The following GPM6A variants were observed in gnomAD, a reference collection of about 807,000 sequenced individuals.
GPM6A encodes the protein neuronal membrane glycoprotein M6-a.
In GPM6A, 7 loss-of-function variants were observed where a neutral mutation model predicts 32.1. That is an observed-to-expected ratio of 0.22 (90% confidence interval 0.12 to 0.41). GPM6A has a LOEUF of 0.41. GPM6A is among the 10% of genes least tolerant of loss of function. The probability of loss-of-function intolerance (pLI) is 1.00; values close to 1 mark genes in which losing one functional copy is unlikely to be tolerated. For synonymous variants in GPM6A, 130 were observed against 123.4 expected, an observed-to-expected ratio of 1.05 and a Z score of -0.35; for missense variants, 235 against 347.2, an observed-to-expected ratio of 0.68 and a Z score of 2.57.
intron 1 of GPM6A, among the ~76,000 whole-genome samples, chr4:175,750,079 G>A (rs1481928603): frequency 6.6e-6 from 1 of 151,082 alleles, no homozygotes; most frequent in Non-Finnish European, 1.5e-5. Flanking sequence ...TTTTTTTTGA[G>A]ATGGAGTCTC....
At chr4:175,728,361 C>T (rs181989322) in intron 1 of GPM6A, among the ~76,000 whole-genome samples, 5 of 152,246 alleles carry the variant, frequency 3.3e-5, no homozygotes, top group South Asian at 2.1e-4. Context: ...AAGACTTCAT[C>T]GAACATATCT....
At chr4:175,803,021 C>T (rs1439393034) in intron 1 of GPM6A, among the ~76,000 whole-genome samples, 1 of 152,088 alleles carries the variant, frequency 6.6e-6, no homozygotes, top group African/African-American at 2.4e-5. Context: ...GGTTTAGCTG[C>T]TCTGTTAGAT....
intron 1 of GPM6A, chr4:175,798,800 A>G (rs1054227416): frequency 2.0e-5 from 3 of 152,140 alleles, no homozygotes; most frequent in South Asian, 2.1e-4. Flanking sequence ...AAAGATATTT[A>G]TTTCTTAGTG....
intron 1 of GPM6A, among the ~76,000 whole-genome samples, chr4:175,949,638 A>C (rs926289600): frequency 5.3e-5 from 8 of 152,200 alleles, no homozygotes; most frequent in Non-Finnish European, 8.8e-5. Context: ...CTTCTTATCA[A>C]GAGCTAACTT....
chr4:175,894,789 A>T (rs542574798), intron 1 of GPM6A, among the ~76,000 whole-genome samples: 1 of 150,652 alleles, frequency 6.6e-6, no homozygotes, highest in Non-Finnish European at 1.5e-5. Flanking sequence ...AGGAAAACTC[A>T]TACACAAAAT....
chr4:175,874,350 C>A (rs1037172142), intron 1 of GPM6A, among the ~76,000 whole-genome samples: 2 of 152,044 alleles, frequency 1.3e-5, no homozygotes, highest in Non-Finnish European at 2.9e-5. Flanking sequence ...GCTGCAAAAG[C>A]TGAAAAGGGA....
intron 6 of GPM6A, among the ~76,000 whole-genome samples, chr4:175,637,253 ATATAAAATATATAT>A (rs1740717496): frequency 4.6e-5 from 1 of 21,760 alleles, no homozygotes; most frequent in Non-Finnish European, 7.7e-5. Flanking sequence ...ATTATATATA[ATATAAAATATATAT>A]TATATATTAT....
chr4:175,874,501 G>C (rs921346134), intron 1 of GPM6A, among the ~76,000 whole-genome samples: 1 of 152,114 alleles, frequency 6.6e-6, no homozygotes, highest in African/African-American at 2.4e-5. Flanking sequence ...TGGAGGGGAG[G>C]GAGGAGTAAA....
At chr4:175,797,209 AC>A (rs202112064) in intron 1 of GPM6A, among the ~76,000 whole-genome samples, 2,698 of 152,288 alleles carry the variant, frequency 0.018, 53 homozygotes, top group Non-Finnish European at 0.029. Flanking sequence ...TGATAGTTAT[AC>A]TTTTTACTTT....
chr4:175,785,010 C>T (rs773607842), intron 1 of GPM6A, among the ~76,000 whole-genome samples: 2 of 152,274 alleles, frequency 1.3e-5, no homozygotes, highest in Non-Finnish European at 2.9e-5. Flanking sequence ...TACATGGAAA[C>T]ATAGAATCTA....
intron 1 of GPM6A, among the ~76,000 whole-genome samples, chr4:175,890,464 A>T (rs1318480593): frequency 6.6e-6 from 1 of 152,092 alleles, no homozygotes; most frequent in Non-Finnish European, 1.5e-5. Flanking sequence ...GTCAAAAAGA[A>T]GCAAACTGAA....
intron 1 of GPM6A, among the ~76,000 whole-genome samples, chr4:175,709,877 G>C (rs1223984324): frequency 6.6e-6 from 1 of 151,774 alleles, no homozygotes; most frequent in African/African-American, 2.4e-5. Flanking sequence ...AAACCATCTT[G>C]AACACTGCTA....
At chr4:175,672,186 C>T (rs1743117388) in intron 3 of GPM6A, among the ~76,000 whole-genome samples, 1 of 152,198 alleles carries the variant, frequency 6.6e-6, no homozygotes, top group South Asian at 2.1e-4. Context: ...ACACAATTGA[C>T]TGCACTCGTC....
intron 1 of GPM6A, among the ~76,000 whole-genome samples, chr4:175,923,279 G>A (rs181469101): frequency 1.4e-5 from 2 of 147,070 alleles, no homozygotes; most frequent in East Asian, 3.9e-4. Flanking sequence ...TTAACAACTT[G>A]AGAGTGTTTT....
chr4:175,941,907 T>C (rs1399425679), intron 1 of GPM6A, among the ~76,000 whole-genome samples: 1 of 152,176 alleles, frequency 6.6e-6, no homozygotes, highest in African/African-American at 2.4e-5. Context: ...GTAATGGGAT[T>C]TCTGGGTCAA....
intron 1 of GPM6A, among the ~76,000 whole-genome samples, chr4:175,788,999 A>G (rs1403899969): frequency 6.6e-6 from 1 of 152,184 alleles, no homozygotes; most frequent in African/African-American, 2.4e-5. Context: ...GTAGGAAGTT[A>G]ACGTGTTTTG....
At chr4:175,757,935 T>C (rs1156487301) in intron 1 of GPM6A, among the ~76,000 whole-genome samples, 1 of 152,190 alleles carries the variant, frequency 6.6e-6, no homozygotes, top group African/African-American at 2.4e-5. Flanking sequence ...AAAAGCCTAA[T>C]ATCATGATAA....
At chr4:175,875,516 C>T (rs1349371613) in intron 1 of GPM6A, among the ~76,000 whole-genome samples, 1 of 152,264 alleles carries the variant, frequency 6.6e-6, no homozygotes, top group South Asian at 2.1e-4. Flanking sequence ...TTAAATGACA[C>T]AAACAGTTTT....
At position 175,634,699 on chromosome 4, in the gene GPM6A, G is replaced by A. The variant is rs1740478202; in HGVS notation, c.*206C>T. 2 of 493,328 alleles carry A rather than the reference G, an allele frequency of 4.1e-6. No individual in the cohort carries two copies. The highest frequency in any genetic ancestry group is 7.1e-6 in the Non-Finnish European group (2 of 280,036). The allele number at this position is 493,328 out of a possible 1,614,324, so 30.6% of individuals were successfully genotyped here. On this transcript the variant is annotated 3_prime_UTR_variant, in exon 7 of 7. Transcript: ENST00000393658. ...CAAAAAAAAGGCTGGATAGGAGCTTGTAGAAAAGATCTGATTTACATCAAT... is the reference window on the plus strand; with the variant it reads ...CAAAAAAAAGGCTGGATAGGAGCTTATAGAAAAGATCTGATTTACATCAAT...
Sources: gnomAD v4.1 joint callset for allele counts (sites outside exome capture counted in the v4.1 genomes callset) on GRCh38, gnomAD v4.1.1 for gene constraint, MANE v1.5 for transcripts, NCBI Gene and HGNC (gene_info 2026-07-23, HGNC 2026-07-21) for gene names.